The following RAD51B variants were observed in gnomAD, a reference collection of about 807,000 sequenced individuals.
RAD51B encodes RAD51 paralog B, also known as DNA repair protein RAD51 homolog 2.
RAD51B carries 38 observed loss-of-function variants against 42.2 expected under a neutral mutation model. That is an observed-to-expected ratio of 0.90 (90% CI 0.70 to 1.18). The LOEUF (loss-of-function observed/expected upper bound fraction) is 1.18. RAD51B is among the 50% of genes most tolerant of loss of function. RAD51B has a pLI of 0.00. For missense variants in RAD51B, 373 were observed against 400.7 expected, an observed-to-expected ratio of 0.93 and a Z score of 0.59; for synonymous variants, 154 against 145.2, an observed-to-expected ratio of 1.06 and a Z score of -0.43.
intron 8 of RAD51B, among the ~76,000 whole-genome samples, chr14:68,319,412 A>T (rs911840290): frequency 1.3e-5 from 2 of 152,230 alleles, no homozygotes; most frequent in East Asian, 3.8e-4. Flanking sequence ...TGTTACTTCA[A>T]TAAAAAAACT....
At chr14:67,976,886 T>C (rs946385210) in intron 7 of RAD51B, among the ~76,000 whole-genome samples, 3 of 151,804 alleles carry the variant, frequency 2.0e-5, no homozygotes, top group Non-Finnish European at 2.9e-5. Flanking sequence ...ACAAACAACC[T>C]CATCAACAAG....
intron 7 of RAD51B, among the ~76,000 whole-genome samples, chr14:67,986,965 C>G (rs111694900): frequency 6.6e-6 from 1 of 152,210 alleles, no homozygotes; most frequent in Non-Finnish European, 1.5e-5. Context: ...CTCCTGACCT[C>G]GGGTGATCCA....
At chr14:68,668,714 C>T (rs1476059789) in intron 11 of RAD51B, among the ~76,000 whole-genome samples, 6 of 152,198 alleles carry the variant, frequency 3.9e-5, no homozygotes, top group African/African-American at 1.2e-4. Flanking sequence ...TCACAGATGG[C>T]GGGCTGTTCT....
Position 68,565,081 on chromosome 14 carries a change from A to G in RAD51B, c.1037-29404A>G, listed in dbSNP as rs1039538836. ...CATAAAAACACAATAGTGACAGGAA[A>G]AATACACACACACACATACACACAC... On this transcript the variant is annotated intron_variant, in intron 10 of 10. Coordinates refer to the RAD51B transcript ENST00000487270. The surrounding 1 kb of genome is among the most constrained non-coding windows in gnomAD (Gnocchi z 4.1). 6.6e-6 allele frequency among the ~76,000 whole-genome samples: 1 copy of G among 152,214 alleles called. No homozygotes were observed. Among genetic ancestry groups the G allele is most frequent in the Non-Finnish European group, 1.5e-5 (1 of 68,028 alleles).
intron 7 of RAD51B, among the ~76,000 whole-genome samples, chr14:67,958,764 T>G (rs1158635327): frequency 1.3e-5 from 2 of 152,214 alleles, no homozygotes; most frequent in African/African-American, 4.8e-5. Flanking sequence ...GTATCCTACC[T>G]GTAAAATATT....
intron 8 of RAD51B, among the ~76,000 whole-genome samples, chr14:68,357,800 A>C (rs1297197106): frequency 1.3e-5 from 2 of 152,156 alleles, no homozygotes; most frequent in African/African-American, 4.8e-5. Flanking sequence ...ACCATGCTAC[A>C]AACAGATGTG....
At chr14:68,051,840 C>G (rs1412064849) in intron 7 of RAD51B, among the ~76,000 whole-genome samples, 1 of 151,394 alleles carries the variant, frequency 6.6e-6, no homozygotes, top group Non-Finnish European at 1.5e-5. Context: ...TGGCCTCAAG[C>G]GATTCTCCCA....
rs1286309654 is a variant in RAD51B at position 68,346,143 on chromosome 14, A to T, written c.853+54163A>T. Among the ~76,000 whole-genome samples the T allele has an allele frequency of 2.0e-5, 3 of 152,216 alleles. 1 individual carries two copies. The East Asian group carries it at 5.8e-4, about 29-fold the overall frequency. On this transcript the variant is annotated intron_variant, in intron 8 of 10. Transcript: ENST00000471583. ...AATATCTTGATGTTTTTTATATTAC[A>T]TATTTATATCCCATCTTTTTCCAAA...
At chr14:67,945,170 GGT>G (rs910441870) in intron 7 of RAD51B, among the ~76,000 whole-genome samples, 20 of 152,224 alleles carry the variant, frequency 1.3e-4, no homozygotes, top group Admixed American at 6.5e-4. Flanking sequence ...CTGATTAAAT[GGT>G]ATTAAAATAT....
chr14:68,067,325 G>A (rs554056409), intron 7 of RAD51B, among the ~76,000 whole-genome samples: 6 of 151,656 alleles, frequency 4.0e-5, no homozygotes, highest in East Asian at 2.0e-4. Context: ...TTAGCCAGGC[G>A]TGGTGGCAGG....
chr14:68,302,886 A>G (rs865873453), intron 8 of RAD51B, among the ~76,000 whole-genome samples: 1 of 152,238 alleles, frequency 6.6e-6, no homozygotes, highest in African/African-American at 2.4e-5. Flanking sequence ...TCTTGCCCTC[A>G]TTCCCATAAA....
intron 11 of RAD51B, among the ~76,000 whole-genome samples, chr14:68,653,698 G>C (rs1171322047): frequency 1.3e-5 from 2 of 152,240 alleles, no homozygotes; most frequent in Non-Finnish European, 2.9e-5. Flanking sequence ...TGATGAGATA[G>C]ATAGATATGC....
At chr14:68,213,422 C>G in intron 7 of RAD51B, among the ~76,000 whole-genome samples, 1 of 152,130 alleles carries the variant, frequency 6.6e-6, no homozygotes, top group Non-Finnish European at 1.5e-5. Context: ...AAAGCCCATG[C>G]TCATAACTGT....
chr14:68,096,689 T>C (rs2077201590), intron 7 of RAD51B, among the ~76,000 whole-genome samples: 1 of 152,244 alleles, frequency 6.6e-6, no homozygotes, highest in Non-Finnish European at 1.5e-5. Context: ...TTCATGTTTT[T>C]AAAATGCTTA....
At chr14:67,907,285 G>A (rs2043809677) in intron 7 of RAD51B, among the ~76,000 whole-genome samples, 1 of 151,868 alleles carries the variant, frequency 6.6e-6, no homozygotes, top group Non-Finnish European at 1.5e-5. Flanking sequence ...TTCGGAGTTG[G>A]TATGCTCTTG....
chr14:68,176,731 A>C (rs1208384969), intron 7 of RAD51B, among the ~76,000 whole-genome samples: 3 of 152,184 alleles, frequency 2.0e-5, no homozygotes, highest in Non-Finnish European at 4.4e-5. Context: ...ACTTTGGATC[A>C]TGTATTCCCT....
At chr14:68,624,783 G>A (rs1484635802) in intron 10 of RAD51B, among the ~76,000 whole-genome samples, 1 of 152,204 alleles carries the variant, frequency 6.6e-6, no homozygotes, top group Admixed American at 6.5e-5. Flanking sequence ...GTTCCTAAGT[G>A]AGACTTCTTC....
intron 8 of RAD51B, among the ~76,000 whole-genome samples, chr14:68,334,483 G>A (rs571409539): frequency 1.3e-5 from 2 of 152,314 alleles, no homozygotes; most frequent in African/African-American, 4.8e-5. Flanking sequence ...TGTCTCAGAG[G>A]TGGCAGAGGT....
chr14:68,056,074 A>T (rs531036187), intron 7 of RAD51B, among the ~76,000 whole-genome samples: 1 of 152,020 alleles, frequency 6.6e-6, no homozygotes, highest in Non-Finnish European at 1.5e-5. Flanking sequence ...ATAATGGTAC[A>T]TTTTTTTCTT....
Sources: gnomAD v4.1 joint callset for allele counts (sites outside exome capture counted in the v4.1 genomes callset) on GRCh38, gnomAD v4.1.1 for gene constraint, Gnocchi (gnomAD v3.1) non-coding constraint, MANE v1.5 for transcripts, NCBI Gene and HGNC (gene_info 2026-07-23, HGNC 2026-07-21) for gene names.